Variants in NUP205 observed in about 807,000 individuals in gnomAD.
NUP205 encodes the protein nucleoporin 205.
Under a neutral mutation model 253.8 loss-of-function variants are expected in NUP205, and 76 were observed. The observed-to-expected ratio is 0.30, with a 90% CI of 0.25 to 0.36. The LOEUF is 0.36. Among genes scored for constraint, NUP205 ranks in the 10% least tolerant of loss-of-function variants. The pLI, the probability that NUP205 is intolerant of heterozygous loss-of-function variation, is 1.00. For missense variants in NUP205, 2,162 were observed against 2,425.5 expected (o/e 0.89, Z 2.28); for synonymous variants, 832 against 850.1 (o/e 0.98, Z 0.37).
At chr7:135,583,055 A>G (rs933634743) in intron 7 of NUP205, among the ~76,000 whole-genome samples, 1 of 152,114 alleles carries the variant, frequency 6.6e-6, no homozygotes, top group Non-Finnish European at 1.5e-5. Context: ...GTGCCACTGC[A>G]CTCCAGTCTC....
chr7:135,606,534 C>G (rs1419571404), intron 20 of NUP205, among the ~76,000 whole-genome samples: 1 of 152,154 alleles, frequency 6.6e-6, no homozygotes, highest in Non-Finnish European at 1.5e-5. Flanking sequence ...ATCTGAAGCA[C>G]TTCTAGTCCC....
chr7:135,633,346 C>T (rs1794751277), intron 35 of NUP205, among the ~76,000 whole-genome samples: 1 of 152,086 alleles, frequency 6.6e-6, no homozygotes, highest in South Asian at 2.1e-4. Context: ...AACGCCTGAG[C>T]TCAAATGATC....
chr7:135,596,123 G>A (rs558333550), intron 13 of NUP205, among the ~76,000 whole-genome samples: 3 of 151,932 alleles, frequency 2.0e-5, no homozygotes, highest in South Asian at 2.1e-4. Flanking sequence ...TAGTAGAGAC[G>A]GGGTTTCTCC....
intron 22 of NUP205, 32 bp downstream of exon 22, chr7:135,607,403 AT>A (rs777680234): frequency 6.2e-7 from 1 of 1,606,720 alleles, no homozygotes. Flanking sequence ...GTGGTACTGA[AT>A]AGAAGAAACT....
At chr7:135,592,839 A>G (rs1292562906) in intron 11 of NUP205, 148 bp from the exon 12 acceptor site, 1 of 624,542 alleles carries the variant, frequency 1.6e-6, no homozygotes, top group African/African-American at 1.8e-5. Flanking sequence ...GTGAGCTGAG[A>G]TTGCCCCTCT....
At chr7:135,574,041 C>T (rs927805897) in intron 3 of NUP205, among the ~76,000 whole-genome samples, 5 of 151,830 alleles carry the variant, frequency 3.3e-5, no homozygotes, top group Non-Finnish European at 5.9e-5. Flanking sequence ...GGCATGATAT[C>T]GGCTCACTGC....
chr7:135,561,199 C>T (rs1805571001), intron 1 of NUP205, among the ~76,000 whole-genome samples: 2 of 151,946 alleles, frequency 1.3e-5, no homozygotes, highest in Admixed American at 6.6e-5. Flanking sequence ...CAAAAATTAG[C>T]CTGGCATGAT....
intron 29 of NUP205, 35 bp from the exon 30 acceptor site, chr7:135,619,755 A>AAG: frequency 6.3e-7 from 1 of 1,596,952 alleles, no homozygotes; most frequent in Non-Finnish European, 8.5e-7. Context: ...TAATTGAGAA[A>AAG]AGATTTTCAT....
At chr7:135,626,800 TG>T (rs1389579148) in intron 33 of NUP205, among the ~76,000 whole-genome samples, 20 of 152,226 alleles carry the variant, frequency 1.3e-4, no homozygotes, top group African/African-American at 4.8e-4. Flanking sequence ...GCTTTTCAGC[TG>T]ATTTCTTAGT....
At chr7:135,620,987 T>C (rs1199123267) in intron 30 of NUP205, among the ~76,000 whole-genome samples, 1 of 152,242 alleles carries the variant, frequency 6.6e-6, no homozygotes, top group East Asian at 1.9e-4. Flanking sequence ...TTTATAGACA[T>C]TTGATGTTCA....
intron 15 of NUP205, among the ~76,000 whole-genome samples, chr7:135,599,749 A>G (rs140493249): frequency 6.6e-6 from 1 of 152,112 alleles, no homozygotes; most frequent in African/African-American, 2.4e-5. Flanking sequence ...GTTCCACCCC[A>G]ACTTACTCTA....
intron 19 of NUP205, among the ~76,000 whole-genome samples, chr7:135,605,519 C>T (rs1399548826): frequency 6.6e-6 from 1 of 152,158 alleles, no homozygotes; most frequent in Admixed American, 6.6e-5. Flanking sequence ...TTTCTAAGTT[C>T]CCTTTGGAGT....
At chr7:135,619,201 G>C (rs757467564) in intron 28 of NUP205, among the ~76,000 whole-genome samples, 9 of 151,886 alleles carry the variant, frequency 5.9e-5, no homozygotes, top group Admixed American at 1.3e-4. Flanking sequence ...CCATCTCTAC[G>C]AGCATGATGG....
chr7:135,614,832 A>G (rs1004136839), intron 23 of NUP205, among the ~76,000 whole-genome samples: 1 of 152,188 alleles, frequency 6.6e-6, no homozygotes. Context: ...AATTCAGACT[A>G]TATTCAGACA....
intron 1 of NUP205, 192 bp downstream of exon 1, chr7:135,558,164 C>G (rs1805483532): frequency 1.6e-6 from 1 of 615,988 alleles, no homozygotes; most frequent in East Asian, 2.8e-5. Flanking sequence ...CTCCAGCCCT[C>G]GAGTTGGGGT....
Position 135,587,611 on chromosome 7 carries a change from C to A in NUP205, c.1255C>A (p.Arg419=), listed in dbSNP as rs1806504478. 2 of 1,607,610 alleles carry A rather than the reference C, an allele frequency of 1.2e-6. No homozygotes were observed. The highest frequency in any genetic ancestry group is 1.3e-5 in the African/African-American group (1 of 74,692). ...GAGGAATCGGGCAGATGAAGATGCT[C>A]GAATGATTCACATGAGTATGCAGAT... ...QLRNRADEDA[R]MIHMSMQMGN... The change falls in exon 9 of 43, where the codon CGA becomes AGA. Residue 419 remains arginine (R), a synonymous_variant. Coordinates refer to ENST00000285968, the MANE Select transcript of NUP205 (RefSeq NM_015135.3).
chr7:135,629,487 C>A (rs1482450102), intron 34 of NUP205, among the ~76,000 whole-genome samples: 2 of 143,058 alleles, frequency 1.4e-5, no homozygotes, highest in African/African-American at 5.2e-5. Context: ...CTCTCTCTCT[C>A]TCTCTCTCTC....
At chr7:135,584,746 A>AAG (rs1806408810) in intron 7 of NUP205, 86 bp from the exon 8 acceptor site, 1 of 1,174,678 alleles carries the variant, frequency 8.5e-7, no homozygotes, top group East Asian at 2.5e-5. Context: ...AGATGTCTGA[A>AAG]CCATCAGCAG....
Position 135,578,821 on chromosome 7 carries a change from C to G in NUP205, c.948C>G (p.Asp316Glu), listed in dbSNP as rs774131853. Residue 316 changes from aspartate (D) to glutamate (E), a missense_variant, in exon 7 of 43, where the codon GAC becomes GAG. Coordinates refer to ENST00000285968, the MANE Select transcript of NUP205 (RefSeq NM_015135.3). Reference protein sequence around the residue: ...YIATIHSRLQDSQLWKLPGLQ... With the variant: ...YIATIHSRLQESQLWKLPGLQ... ...CAACAATTCACTCTCGTCTTCAGGA[C>G]TCACAGCTTTGGAAACTGCCTGGGC... The G allele has an allele frequency of 1.9e-6, 3 of 1,612,352 alleles. No individual in the cohort carries two copies. The South Asian group carries it at 3.3e-5, about 18-fold the overall frequency.
Sources: gnomAD v4.1 joint callset for allele counts (sites outside exome capture counted in the v4.1 genomes callset) on GRCh38, gnomAD v4.1.1 for gene constraint, MANE v1.5 for transcripts, NCBI Gene and HGNC (gene_info 2026-07-23, HGNC 2026-07-21) for gene names.